The following UFSP2 variants were observed in gnomAD, a reference collection of about 807,000 sequenced individuals.
The protein encoded by UFSP2 is ufm1-specific protease 2.
A neutral mutation model predicts 60.2 loss-of-function variants in UFSP2; 43 were observed. That is an observed-to-expected ratio of 0.71 (90% CI 0.56 to 0.92). The LOEUF is 0.92. Ranked by LOEUF, UFSP2 falls within the 40% of genes least tolerant of loss-of-function variation. The pLI, the probability that UFSP2 is intolerant of heterozygous loss-of-function variation, is 0.00. For synonymous variants in UFSP2, 183 were observed against 195.1 expected (o/e 0.94, Z 0.52); for missense variants, 520 against 575.0 (o/e 0.90, Z 0.98).
intron 5 of UFSP2, 116 bp downstream of exon 5, chr4:185,415,594 G>A (rs560605868): frequency 1.0e-6 from 1 of 999,740 alleles, no homozygotes; most frequent in African/African-American, 1.6e-5. Context: ...ATGGCTCTTA[G>A]GTTAATAATA....
In UFSP2 at chr4:185,418,585, A is replaced by C. The variant is rs769508518; in HGVS notation, c.266+2T>G. 4.3e-6 allele frequency: 7 copies of C among 1,612,564 alleles called. No homozygotes were observed. The highest frequency in any genetic ancestry group is 5.9e-6 in the Non-Finnish European group (7 of 1,179,680). ...TTTCTAGAAATCTTCAAACATACTCACTGAATAAAGCGCAGTATGTTCTTA... is the reference window on the plus strand; with the variant it reads ...TTTCTAGAAATCTTCAAACATACTCCCTGAATAAAGCGCAGTATGTTCTTA... On this transcript the variant is annotated splice_donor_variant, in intron 3 of 11. Transcript: ENST00000264689. LOFTEE classifies it high-confidence loss of function.
chr4:185,413,395 C>T (rs979989029), intron 7 of UFSP2, among the ~76,000 whole-genome samples: 1 of 151,586 alleles, frequency 6.6e-6, no homozygotes, highest in Non-Finnish European at 1.5e-5. Flanking sequence ...CTCAAAAAAA[C>T]AAAAAAAGAT....
chr4:185,405,145 C>T (rs1424101540), intron 10 of UFSP2, among the ~76,000 whole-genome samples: 4 of 151,748 alleles, frequency 2.6e-5, no homozygotes, highest in Non-Finnish European at 4.4e-5. Flanking sequence ...ACTATAGGCT[C>T]ACACTACCAT....
At chr4:185,412,146 T>C (rs2095530502) in intron 7 of UFSP2, among the ~76,000 whole-genome samples, 1 of 152,242 alleles carries the variant, frequency 6.6e-6, no homozygotes, top group Non-Finnish European at 1.5e-5. Context: ...ATATGTTATA[T>C]GTACATATCA....
intron 4 of UFSP2, 185 bp from the exon 5 acceptor site, chr4:185,416,052 A>T (rs921400995): frequency 6.7e-5 from 30 of 445,314 alleles, no homozygotes; most frequent in Non-Finnish European, 1.1e-4. Flanking sequence ...GCTGTGAATG[A>T]TCAACTGAGA....
At chr4:185,408,129 T>C in intron 8 of UFSP2, 69 bp from the exon 9 acceptor site, 1 of 1,567,504 alleles carries the variant, frequency 6.4e-7, no homozygotes, top group Non-Finnish European at 8.7e-7. Flanking sequence ...TTAGGGCATT[T>C]TCCCTGATTA....
At position 185,415,887 on chromosome 4, in the gene UFSP2, T is replaced by C; in HGVS notation, c.334-20A>G. The C allele has an allele frequency of 1.9e-6, 3 of 1,585,434 alleles. No individual in the cohort carries two copies. Among genetic ancestry groups the C allele is most frequent in the Non-Finnish European group, 1.7e-6 (2 of 1,162,854 alleles). On this transcript the variant is annotated intron_variant, in intron 4 of 11. Transcript: ENST00000264689. ...TTGATGCTATATAGATAAACAGTAATAGTCAACTTGTAGTGCATTAAACAC... is the reference window on the plus strand; with the variant it reads ...TTGATGCTATATAGATAAACAGTAACAGTCAACTTGTAGTGCATTAAACAC...
At chr4:185,417,851 G>A (rs968806193) in intron 4 of UFSP2, among the ~76,000 whole-genome samples, 1 of 152,004 alleles carries the variant, frequency 6.6e-6, no homozygotes, top group Admixed American at 6.6e-5. Context: ...TGAGACCAGC[G>A]TGGCCAACCT....
At chr4:185,404,751 A>G (rs2095518191) in intron 10 of UFSP2, among the ~76,000 whole-genome samples, 1 of 151,646 alleles carries the variant, frequency 6.6e-6, no homozygotes, top group Non-Finnish European at 1.5e-5. Context: ...ACACCCAGCT[A>G]AATTTTGTAT....
At chr4:185,419,228 T>A (rs2153292667) in intron 2 of UFSP2, among the ~76,000 whole-genome samples, 1 of 151,974 alleles carries the variant, frequency 6.6e-6, no homozygotes, top group East Asian at 1.9e-4. Context: ...GCCTCCCGGG[T>A]TCACGCCATT....
rs753421835 is a variant in UFSP2 at position 185,415,357 on chromosome 4, G to A, written c.492-10C>T. 1.3e-6 allele frequency: 2 copies of A among 1,559,496 alleles called. No homozygotes were observed. Among genetic ancestry groups the A allele is most frequent in the Non-Finnish European group, 1.7e-6 (2 of 1,161,636 alleles). The stretch of plus-strand genomic sequence containing the variant: ...CAGGAGTTTACGAACTCTGTGGGGG[G>A]AAATATATAAGTGTATTAACAAAAG... On this transcript the variant is annotated splice_polypyrimidine_tract_variant and intron_variant, in intron 5 of 11. Transcript: ENST00000264689.
chr4:185,413,683 A>T, intron 7 of UFSP2, 43 bp downstream of exon 7: 1 of 1,562,974 alleles, frequency 6.4e-7, no homozygotes, highest in South Asian at 1.2e-5. Context: ...AACTAATAAC[A>T]TTACTGATCC....
At chr4:185,403,380 A>G (rs2095515600) in intron 11 of UFSP2, 114 bp downstream of exon 11, 1 of 1,376,730 alleles carries the variant, frequency 7.3e-7, no homozygotes, top group Non-Finnish European at 9.8e-7. Context: ...GAAGGCCTCC[A>G]CACAGGGAGA....
At chr4:185,407,884 T>C (rs2095523116) in intron 9 of UFSP2, 52 bp downstream of exon 9, 3 of 1,552,842 alleles carry the variant, frequency 1.9e-6, no homozygotes, top group South Asian at 2.5e-5. Context: ...TTAATTAAAA[T>C]GACAGACTGT....
At chr4:185,406,169 G>A (rs1580053069) in intron 9 of UFSP2, 2 of 364,508 alleles carry the variant, frequency 5.5e-6, no homozygotes, top group East Asian at 1.3e-4. Flanking sequence ...TGGTGCTCAG[G>A]GAGTTCTTAT....
chr4:185,409,678 G>A (rs974603590), intron 7 of UFSP2, among the ~76,000 whole-genome samples: 8 of 152,184 alleles, frequency 5.3e-5, no homozygotes, highest in Admixed American at 1.3e-4. Flanking sequence ...TGGAACTTGT[G>A]AATGCACCCT....
intron 6 of UFSP2, 113 bp downstream of exon 6, chr4:185,415,040 CCA>C: frequency 1.1e-6 from 1 of 881,196 alleles, no homozygotes; most frequent in Non-Finnish European, 1.7e-6. Flanking sequence ...AGTCTAAATT[CCA>C]CACTTTTAAG....
At chr4:185,422,394 C>T (rs2095551051) in intron 2 of UFSP2, 91 bp downstream of exon 2, 2 of 908,214 alleles carry the variant, frequency 2.2e-6, no homozygotes, top group East Asian at 2.6e-5. Flanking sequence ...TTCATCCTAT[C>T]TCTCTCTCAG....
At chr4:185,421,854 T>C (rs571475177) in intron 2 of UFSP2, among the ~76,000 whole-genome samples, 1 of 152,316 alleles carries the variant, frequency 6.6e-6, no homozygotes, top group Non-Finnish European at 1.5e-5. Context: ...GACATTACAT[T>C]CTCTAGCTCC....
Sources: allele counts gnomAD v4.1 joint callset (sites outside exome capture counted in the v4.1 genomes callset), GRCh38; gene constraint gnomAD v4.1.1; transcripts MANE v1.5; gene names NCBI Gene and HGNC (gene_info 2026-07-23, HGNC 2026-07-21).